The following SLC17A1 variants were observed in gnomAD, a reference collection of about 807,000 sequenced individuals.
The protein encoded by SLC17A1 is sodium-dependent phosphate transport protein 1.
Under a neutral mutation model 53.5 loss-of-function variants are expected in SLC17A1, and 51 were observed. That is an observed-to-expected ratio of 0.95 (90% confidence interval 0.76 to 1.20). The LOEUF (loss-of-function observed/expected upper bound fraction) is 1.20. SLC17A1 is among the 50% of genes most tolerant of loss of function. SLC17A1 has a pLI of 0.00. For missense variants in SLC17A1, 538 were observed against 568.2 expected, an observed-to-expected ratio of 0.95 and a Z score of 0.54; for synonymous variants, 179 against 198.8, an observed-to-expected ratio of 0.90 and a Z score of 0.84.
At chr6:25,736,973 C>A in the SLC17A1 span, among the ~76,000 whole-genome samples, 1 of 152,168 alleles carries the variant, frequency 6.6e-6, no homozygotes, top group Non-Finnish European at 1.5e-5. Flanking sequence ...TAACCAACCT[C>A]CAAACCGCCC....
chr6:25,819,635 C>T (rs1240959444), intron 4 of SLC17A1, 37 bp from the exon 5 acceptor site: 4 of 1,611,870 alleles, frequency 2.5e-6, no homozygotes, highest in Non-Finnish European at 3.4e-6. Flanking sequence ...ATCTCTAATA[C>T]TTCCTGTGAA....
At chr6:25,728,160 C>T in the SLC17A1 span, among the ~76,000 whole-genome samples, 7 of 152,094 alleles carry the variant, frequency 4.6e-5, no homozygotes, top group African/African-American at 1.7e-4. Flanking sequence ...TAAGACCTCA[C>T]AAAAAGGGAA....
intron 12 of SLC17A1, among the ~76,000 whole-genome samples, chr6:25,792,894 C>T (rs1040143854): frequency 1.2e-4 from 18 of 152,316 alleles, no homozygotes; most frequent in African/African-American, 4.1e-4. Flanking sequence ...ACCTCTGAAA[C>T]AGCATCTGTC....
At chr6:25,796,160 T>G (rs927763963) in intron 12 of SLC17A1, among the ~76,000 whole-genome samples, 1 of 152,174 alleles carries the variant, frequency 6.6e-6, no homozygotes, top group Non-Finnish European at 1.5e-5. Flanking sequence ...TGCTTATTTA[T>G]AAGGACAATC....
intron 6 of SLC17A1, among the ~76,000 whole-genome samples, chr6:25,813,533 G>A (rs1764234653): frequency 6.6e-6 from 1 of 152,144 alleles, no homozygotes; most frequent in African/African-American, 2.4e-5. Flanking sequence ...GCACAGCTGA[G>A]CCTGCACAGG....
intron 10 of SLC17A1, 146 bp downstream of exon 10, chr6:25,811,252 A>T (rs1472173941): frequency 1.7e-5 from 13 of 785,792 alleles, no homozygotes; most frequent in South Asian, 4.2e-5. Context: ...AAAAATGCTA[A>T]GTGTGTGAGG....
At chr6:25,796,707 T>G (rs1763609557) in intron 12 of SLC17A1, among the ~76,000 whole-genome samples, 1 of 152,204 alleles carries the variant, frequency 6.6e-6, no homozygotes, top group Admixed American at 6.5e-5. Flanking sequence ...ATTAATAAAT[T>G]TTCCAGGAAA....
intron 12 of SLC17A1, among the ~76,000 whole-genome samples, chr6:25,794,116 C>T (rs962179298): frequency 6.6e-6 from 1 of 152,180 alleles, no homozygotes. Flanking sequence ...CAGCAAGTGT[C>T]AACCTCTCAG....
At chr6:25,825,792 T>TA (rs1764720129) in intron 3 of SLC17A1, among the ~76,000 whole-genome samples, 1 of 152,106 alleles carries the variant, frequency 6.6e-6, no homozygotes, top group Non-Finnish European at 1.5e-5. Context: ...CACCATTTGA[T>TA]ACTGTCTACA....
the SLC17A1 span, chr6:25,726,421 C>T: frequency 2.0e-5 from 32 of 1,614,128 alleles, no homozygotes; most frequent in East Asian, 2.2e-4. Context: ...GTTTCCCTTA[C>T]GAAGCAGACG....
At chr6:25,752,719 G>C in the SLC17A1 span, among the ~76,000 whole-genome samples, 1 of 152,178 alleles carries the variant, frequency 6.6e-6, no homozygotes, top group African/African-American at 2.4e-5. Context: ...TTGCGAGGCT[G>C]AGGTGGGCGG....
chr6:25,826,862 G>A (rs1042275301), intron 2 of SLC17A1, among the ~76,000 whole-genome samples: 1 of 152,022 alleles, frequency 6.6e-6, no homozygotes, highest in Non-Finnish European at 1.5e-5. Context: ...AGAAAATCAA[G>A]CCAATCTTTC....
At chr6:25,804,439 T>C (rs1277200020) in intron 10 of SLC17A1, among the ~76,000 whole-genome samples, 1 of 152,046 alleles carries the variant, frequency 6.6e-6, no homozygotes, top group East Asian at 1.9e-4. Context: ...ATAGAATCTC[T>C]TTACAGCATA....
chr6:25,746,172 C>T, the SLC17A1 span, among the ~76,000 whole-genome samples: 28 of 152,194 alleles, frequency 1.8e-4, no homozygotes, highest in South Asian at 2.1e-3. Context: ...ATCAAATTAA[C>T]GGTATGATTC....
chr6:25,748,497 G>C, the SLC17A1 span, among the ~76,000 whole-genome samples: 3 of 152,164 alleles, frequency 2.0e-5, no homozygotes, highest in African/African-American at 7.2e-5. Context: ...GGGATGGCCT[G>C]CCCCTCCACA....
At chr6:25,770,882 A>G in the SLC17A1 span, 4 of 1,482,034 alleles carry the variant, frequency 2.7e-6, no homozygotes, top group Non-Finnish European at 2.8e-6. Context: ...TAGAGCCCCA[A>G]GACGAGTCCT....
chr6:25,742,934 A>T, the SLC17A1 span, among the ~76,000 whole-genome samples: 1 of 152,232 alleles, frequency 6.6e-6, no homozygotes, highest in South Asian at 2.1e-4. Flanking sequence ...ACAACTCCAC[A>T]TATATGAAAC....
chr6:25,733,765 C>T, the SLC17A1 span, among the ~76,000 whole-genome samples: 8 of 150,480 alleles, frequency 5.3e-5, no homozygotes, highest in South Asian at 4.3e-4. Flanking sequence ...GGTTATATCT[C>T]AAACCAAAGC....
At chr6:25,748,515 G>C in the SLC17A1 span, among the ~76,000 whole-genome samples, 1 of 152,196 alleles carries the variant, frequency 6.6e-6, no homozygotes, top group Non-Finnish European at 1.5e-5. Context: ...ACACCTGTGG[G>C]TATATCTCGT....
Sources: allele counts gnomAD v4.1 joint callset (sites outside exome capture counted in the v4.1 genomes callset), GRCh38; gene constraint gnomAD v4.1.1; transcripts MANE v1.5; gene names NCBI Gene and HGNC (gene_info 2026-07-23, HGNC 2026-07-21).